TMX2: variants seen among roughly 807,000 people sequenced by gnomAD.
TMX2 encodes the protein thioredoxin-related transmembrane protein 2.
Under a neutral mutation model 33.4 loss-of-function variants are expected in TMX2, and 20 were observed. The ratio of observed to expected loss-of-function variants is 0.60; its 90% CI spans 0.42 to 0.87. The LOEUF is 0.87. Among genes scored for constraint, TMX2 ranks in the 40% least tolerant of loss-of-function variants. TMX2 has a pLI of 0.00. For synonymous variants in TMX2, 166 were observed against 140.7 expected (o/e 1.18, Z -1.27); for missense variants, 340 against 370.7 (o/e 0.92, Z 0.68).
rs1290221292 is a variant in TMX2, at chr11:57,740,456, CAAGA to C, written c.*216_*219del. 1.9e-6 allele frequency: 1 copy of C among 534,180 alleles called. No individual in the cohort carries two copies. The highest frequency in any genetic ancestry group is 3.2e-6 in the Non-Finnish European group (1 of 313,626). 33.1% of individuals were successfully genotyped at this position (534,180 alleles called of 1,614,324 possible). A position where few individuals can be genotyped will look rare whatever the true frequency, so the allele number is the denominator to read the frequency against. On this transcript the variant is annotated 3_prime_UTR_variant, in exon 8 of 8. Transcript: ENST00000278422. ...GCTGTGGCCAACTGTTTCACTGGAG[CAAGA>C]AAGAGATCTCATAGGACGGAGGGGG...
At position 57,737,592 on chromosome 11, in the gene TMX2, T is replaced by C; in HGVS notation, c.190-16T>C. On this transcript the variant is annotated splice_polypyrimidine_tract_variant and intron_variant, in intron 1 of 7. Coordinates refer to ENST00000278422, the MANE Select transcript of TMX2 (RefSeq NM_015959.4). ...AGTCACTGCATTCCTGTTATAATACTTCGATTCTGTTCCAGAGAGAAGTGG... is the reference window on the plus strand; with the variant it reads ...AGTCACTGCATTCCTGTTATAATACCTCGATTCTGTTCCAGAGAGAAGTGG... 6.2e-7 allele frequency: 1 copy of C among 1,612,426 alleles called. No homozygotes were observed.
At chr11:57,736,340 TAA>T (rs71061538) in intron 1 of TMX2, among the ~76,000 whole-genome samples, 1,719 of 144,788 alleles carry the variant, frequency 0.012, 14 homozygotes, top group African/African-American at 0.026. Flanking sequence ...GCTGATGAGC[TAA>T]AAAAAAAAAA....
At chr11:57,734,953 G>C (rs973394589) in intron 1 of TMX2, among the ~76,000 whole-genome samples, 3 of 150,768 alleles carry the variant, frequency 2.0e-5, no homozygotes, top group African/African-American at 7.3e-5. Flanking sequence ...GGCCAACGTG[G>C]TGAAACCCCA....
chr11:57,740,259 G>A lies in TMX2; in HGVS notation c.*14G>A. 6.4e-7 allele frequency: 1 copy of A among 1,572,528 alleles called. No homozygotes were observed. The highest frequency in any genetic ancestry group is 1.4e-5 in the African/African-American group (1 of 73,160). On this transcript the variant is annotated 3_prime_UTR_variant, in exon 8 of 8. Transcript: ENST00000278422. ...AAGGATAAATAAGATCCTCACTTTG[G>A]CAGTGCTTCCTCTCCTGTCAATTCC...
Position 57,712,828 on chromosome 11 carries a change from T to G in TMX2, c.189+21T>G, listed in dbSNP as rs2276320. The G allele has an allele frequency of 4.9e-3, 7,852 of 1,613,588 alleles. 590 individuals carry two copies. The East Asian group carries it at 0.14, about 30-fold the overall frequency. The stretch of plus-strand genomic sequence containing the variant: ...ACTGGGTGAGCCTCCCGCGTGTTAG[T>G]ACCCCGCGACCTTGACTGTCCCTGC... On this transcript the variant is annotated intron_variant, in intron 1 of 7. Transcript: ENST00000278422.
At chr11:57,723,414 C>T (rs1243771825) in intron 1 of TMX2, among the ~76,000 whole-genome samples, 1 of 148,990 alleles carries the variant, frequency 6.7e-6, no homozygotes, top group Non-Finnish European at 1.5e-5. Flanking sequence ...ACCCGGGAGG[C>T]GGAGGTTGCA....
In TMX2 at chr11:57,717,729, AGAG is replaced by A. The variant is rs1244482151; in HGVS notation, c.189+4924_189+4926del. On this transcript the variant is annotated intron_variant, in intron 1 of 7. Transcript: ENST00000278422. ...AGAGGGAGACCGAGAGGGAGAGGGG[AGAG>A]GGGAGAGGGGAGAGGGGAGAGGGAG... is the stretch of plus-strand genomic sequence containing the variant. Among the ~76,000 whole-genome samples, 17 of 58,758 alleles carry A rather than the reference AGAG, an allele frequency of 2.9e-4. 1 individual carries two copies. Among genetic ancestry groups the A allele is most frequent in the African/African-American group, 3.7e-4 (4 of 10,808 alleles). 38.5% of individuals were successfully genotyped at this position (58,758 alleles called of 152,430 possible). A position where few individuals can be genotyped will look rare whatever the true frequency, so the allele number is the denominator to read the frequency against.
intron 1 of TMX2, among the ~76,000 whole-genome samples, chr11:57,730,452 AAAG>A (rs1948299126): frequency 7.1e-6 from 1 of 140,536 alleles, no homozygotes; most frequent in Admixed American, 7.3e-5. Context: ...AAAAAAAAAA[AAAG>A]GCCAGGCATG....
Position 57,737,946 on chromosome 11 carries a change from T to C in TMX2, c.284T>C (p.Met95Thr), listed in dbSNP as rs1417879661. ...GAGCAACATATAGGCAACATTTTCA[T>C]GTTTAGTAAAGTGGCCAACACAATT... Reference protein sequence around the residue: ...TVEQHIGNIFMFSKVANTILF... With the variant: ...TVEQHIGNIFTFSKVANTILF... The change falls in exon 3 of 8, where the codon ATG becomes ACG. Residue 95 changes from methionine to threonine, a missense_variant. Physicochemically the swap from Met to Thr is moderately conservative, Grantham distance 81 (BLOSUM62 -1). Around this residue, in one of 3 missense-constraint regions of TMX2, gnomAD observed 25 missense variants for 46.5 expected, o/e 0.54. Transcript: ENST00000278422. 1 of 1,614,226 alleles carries C rather than the reference T, an allele frequency of 6.2e-7. No individual in the cohort carries two copies. The highest frequency in any genetic ancestry group is 8.5e-7 in the Non-Finnish European group (1 of 1,180,030).
rs1173644373 is a variant in TMX2, at chr11:57,716,264, A to AC, written c.189+3466dup. The stretch of plus-strand genomic sequence containing the variant: ...GGGCGGATGGCCGGGCGGGGGGCTG[A>AC]CCCCCCCCCACCTCCCTCCCGGATG... On this transcript the variant is annotated intron_variant, in intron 1 of 7. Coordinates refer to ENST00000278422, the MANE Select transcript of TMX2 (RefSeq NM_015959.4). Among the ~76,000 whole-genome samples, 524 of 56,798 alleles carry AC rather than the reference A, an allele frequency of 9.2e-3. 3 individuals are homozygous for AC. Among genetic ancestry groups the AC allele is most frequent in the Admixed American group, 0.013 (72 of 5,378 alleles). 37.3% of individuals were successfully genotyped at this position (56,798 alleles called of 152,430 possible).
intron 7 of TMX2, 129 bp from the exon 8 acceptor site, chr11:57,739,970 G>T: frequency 2.3e-6 from 3 of 1,303,210 alleles, no homozygotes; most frequent in Non-Finnish European, 2.1e-6. Flanking sequence ...AAAGAGGAAG[G>T]TTAGGGAAGA....
intron 1 of TMX2, chr11:57,718,468 G>A (rs1947325063): frequency 7.9e-6 from 8 of 1,017,600 alleles, no homozygotes; most frequent in South Asian, 7.6e-5. Context: ...CAAACAGCTC[G>A]AAGGAGATGC....
At chr11:57,718,881 T>C (rs1947361232) in intron 1 of TMX2, among the ~76,000 whole-genome samples, 1 of 150,882 alleles carries the variant, frequency 6.6e-6, no homozygotes, top group South Asian at 2.1e-4. Flanking sequence ...GTCTCTTAAC[T>C]CCTGACCTCA....
intron 1 of TMX2, among the ~76,000 whole-genome samples, chr11:57,716,317 G>T (rs1479785519): frequency 2.4e-5 from 3 of 126,088 alleles, no homozygotes; most frequent in Non-Finnish European, 1.7e-5. Flanking sequence ...CCTCCCTCCC[G>T]GACGGGGCGG....
chr11:57,716,343 G>A (rs1240947770), intron 1 of TMX2, among the ~76,000 whole-genome samples: 8 of 130,298 alleles, frequency 6.1e-5, no homozygotes, highest in Non-Finnish European at 8.8e-5. Context: ...CGGGCGGGGG[G>A]CTGACCCCCA....
chr11:57,718,985 C>T (rs1947370365), intron 1 of TMX2, among the ~76,000 whole-genome samples: 1 of 146,760 alleles, frequency 6.8e-6, no homozygotes. Context: ...GCTTTCTGGT[C>T]AGAAGTTGGC....
At position 57,740,149 on chromosome 11, in the gene TMX2, G is replaced by A; in HGVS notation, c.795G>A (p.Lys265=). The change falls in exon 8 of 8, where the codon AAG becomes AAA. Residue 265 remains lysine, a synonymous_variant. Transcript: ENST00000278422. ...FNLNELYQRA[K]KLSKAGDNIP... is the part of the protein sequence containing the mutation. ...TAAATGAGCTATACCAGCGGGCCAAGAAACTATCAAAGGCTGGAGACAATA... is the reference window on the plus strand; with the variant it reads ...TAAATGAGCTATACCAGCGGGCCAAAAAACTATCAAAGGCTGGAGACAATA... 1 of 1,613,988 alleles carries A rather than the reference G, an allele frequency of 6.2e-7. No homozygotes were observed. Among genetic ancestry groups the A allele is most frequent in the Non-Finnish European group, 8.5e-7 (1 of 1,179,870 alleles).
chr11:57,731,893 T>G (rs1476469748), intron 1 of TMX2, among the ~76,000 whole-genome samples: 2 of 152,156 alleles, frequency 1.3e-5, no homozygotes, highest in African/African-American at 2.4e-5. Flanking sequence ...ATGTTGTACT[T>G]TATGGTACCC....
chr11:57,715,632 G>T (rs1347491248), intron 1 of TMX2, among the ~76,000 whole-genome samples: 4 of 129,418 alleles, frequency 3.1e-5, no homozygotes, highest in Non-Finnish European at 4.7e-5. Context: ...TCTCGCAGAG[G>T]GGGACTTGGC....
Sources: gnomAD v4.1 joint callset for allele counts (sites outside exome capture counted in the v4.1 genomes callset) on GRCh38, gnomAD v4.1.1 for gene constraint, gnomAD v4.1.1 regional missense constraint, MANE v1.5 for transcripts, NCBI Gene and HGNC (gene_info 2026-07-23, HGNC 2026-07-21) for gene names.